TTC7B: variants seen among roughly 807,000 people sequenced by gnomAD.
The protein encoded by TTC7B is tetratricopeptide repeat protein 7B.
TTC7B carries 28 observed loss-of-function variants against 106.8 expected under a neutral mutation model. That is an observed-to-expected ratio of 0.26 (90% CI 0.19 to 0.36). TTC7B has a LOEUF of 0.36. Ranked by LOEUF, TTC7B falls within the 10% of genes least tolerant of loss-of-function variation. The probability of loss-of-function intolerance (pLI) is 1.00; values close to 1 mark genes in which losing one functional copy is unlikely to be tolerated. For synonymous variants in TTC7B, 405 were observed against 430.6 expected, an observed-to-expected ratio of 0.94 and a Z score of 0.74; for missense variants, 862 against 1,076.4, an observed-to-expected ratio of 0.80 and a Z score of 2.79.
chr14:90,631,113 C>A (rs557804827), intron 15 of TTC7B, among the ~76,000 whole-genome samples: 2 of 152,162 alleles, frequency 1.3e-5, no homozygotes, highest in Non-Finnish European at 2.9e-5. Flanking sequence ...GGATTACAGG[C>A]GTGAGCCACT....
chr14:90,781,519 C>G (rs186143654), intron 2 of TTC7B, among the ~76,000 whole-genome samples: 42 of 152,302 alleles, frequency 2.8e-4, no homozygotes, highest in Non-Finnish European at 4.1e-4. Flanking sequence ...AGGCCTGTGG[C>G]TGGGCTGGGC....
rs1886849557 is a variant in TTC7B at position 90,676,605 on chromosome 14, A to G, written c.1070T>C (p.Ile357Thr). ...RIPEHKSDRL[I>T]SLQSASVVYD... ...GACCACAGATGCACTCTGCAGACTG[A>G]TGAGGCGGTCACTCTTGTGTTCAGG... is the stretch of plus-strand genomic sequence containing the variant. The change falls in exon 9 of 20, where the codon ATC (isoleucine) becomes ACC (threonine). Residue 357 changes from isoleucine (I) to threonine (T), a missense_variant. Coordinates refer to ENST00000328459, the MANE Select transcript of TTC7B (RefSeq NM_001010854.2). 2.5e-6 allele frequency: 4 copies of G among 1,614,148 alleles called. No homozygotes were observed. In the East Asian group the frequency reaches 8.9e-5, roughly 36 times the overall value.
rs541544172 is a variant in TTC7B, at chr14:90,714,720, G to C, written c.698+15355C>G. Among the ~76,000 whole-genome samples, 3 of 152,208 alleles carry C rather than the reference G, an allele frequency of 2.0e-5. No homozygotes were observed. In the South Asian group the frequency reaches 6.2e-4, roughly 32 times the overall value. The stretch of plus-strand genomic sequence containing the variant: ...GATCCACCCACCTCGGCCTCCCAAA[G>C]TGCTGAGATTATAGGCGTGAGCCAC... On this transcript the variant is annotated intron_variant, in intron 5 of 19. Transcript: ENST00000328459.
chr14:90,606,511 G>A (rs913992938), intron 17 of TTC7B, among the ~76,000 whole-genome samples: 4 of 152,118 alleles, frequency 2.6e-5, no homozygotes, highest in Non-Finnish European at 5.9e-5. Flanking sequence ...TAAAGGCAAA[G>A]GAATAAAATA....
rs1363667644 is a variant in TTC7B, at chr14:90,652,726, A to G, written c.1517+115T>C. ...GTGTGTTCGGTGCTCAGGACGAAAGACTCTCAGGGGTAAAACACTGTTTAC... is the reference window on the plus strand; with the variant it reads ...GTGTGTTCGGTGCTCAGGACGAAAGGCTCTCAGGGGTAAAACACTGTTTAC... On this transcript the variant is annotated intron_variant, in intron 13 of 19. Transcript: ENST00000328459. 2.5e-6 allele frequency: 3 copies of G among 1,201,062 alleles called. No homozygotes were observed. The Admixed American group carries it at 5.6e-5, about 22-fold the overall frequency. 74.4% of individuals were successfully genotyped at this position (1,201,062 alleles called of 1,614,324 possible).
intron 3 of TTC7B, among the ~76,000 whole-genome samples, chr14:90,760,733 C>G (rs1416297238): frequency 1.3e-5 from 2 of 152,192 alleles, no homozygotes; most frequent in Non-Finnish European, 2.9e-5. Flanking sequence ...CTTGCAGGGC[C>G]CAGCCTCTAG....
intron 9 of TTC7B, among the ~76,000 whole-genome samples, chr14:90,669,026 AG>A (rs1886528644): frequency 6.6e-6 from 1 of 152,090 alleles, no homozygotes. Flanking sequence ...TACAGACCAA[AG>A]GAACAGAATT....
At chr14:90,594,763 C>A (rs566128449) in intron 17 of TTC7B, among the ~76,000 whole-genome samples, 4 of 152,240 alleles carry the variant, frequency 2.6e-5, no homozygotes, top group African/African-American at 9.6e-5. Flanking sequence ...AAATTGTGAG[C>A]ATAAAAATAA....
intron 17 of TTC7B, among the ~76,000 whole-genome samples, chr14:90,607,314 A>ACTGTGG (rs1376214397): frequency 2.6e-5 from 4 of 152,216 alleles, no homozygotes; most frequent in East Asian, 1.9e-4. Flanking sequence ...GTGGAAGTTC[A>ACTGTGG]CTGTGGCTGT....
chr14:90,804,404 T>C (rs114911899), intron 1 of TTC7B, among the ~76,000 whole-genome samples: 2,312 of 151,746 alleles, frequency 0.015, 18 homozygotes, highest in African/African-American at 0.025. Flanking sequence ...GGTGGACAAG[T>C]GGCACTGAGT....
At chr14:90,810,516 G>T (rs2030841689) in intron 1 of TTC7B, among the ~76,000 whole-genome samples, 1 of 152,190 alleles carries the variant, frequency 6.6e-6, no homozygotes, top group South Asian at 2.1e-4. Flanking sequence ...GCACTGTTTT[G>T]TCATCTATAA....
intron 19 of TTC7B, among the ~76,000 whole-genome samples, chr14:90,576,781 G>A (rs1891275702): frequency 2.0e-5 from 3 of 152,210 alleles, no homozygotes; most frequent in Non-Finnish European, 4.4e-5. Flanking sequence ...CCAGCAGTTA[G>A]TGCCCAGCCC....
Position 90,621,059 on chromosome 14 carries a change from G to C in TTC7B, c.1752-3014C>G, listed in dbSNP as rs527325847. ...GGACAAAGAGGAAAGCCTGACAGCT[G>C]CTGCCTAGGTACGGCTGGGATGATG... is the stretch of plus-strand genomic sequence containing the variant. On this transcript the variant is annotated intron_variant, in intron 15 of 19. Transcript: ENST00000328459. Among the ~76,000 whole-genome samples, 4 of 152,362 alleles carry C rather than the reference G, an allele frequency of 2.6e-5. No individual in the cohort carries two copies. In the East Asian group the frequency reaches 5.8e-4, roughly 22 times the overall value.
chr14:90,591,119 C>T (rs1891940722), intron 18 of TTC7B, among the ~76,000 whole-genome samples: 1 of 152,198 alleles, frequency 6.6e-6, no homozygotes, highest in African/African-American at 2.4e-5. Flanking sequence ...GCAGGCAGAT[C>T]ACCTGAGGTC....
intron 16 of TTC7B, among the ~76,000 whole-genome samples, chr14:90,614,448 G>A (rs1892988553): frequency 6.6e-6 from 1 of 152,228 alleles, no homozygotes; most frequent in Non-Finnish European, 1.5e-5. Context: ...AACTGAAACA[G>A]GACTTTGAAT....
intron 8 of TTC7B, among the ~76,000 whole-genome samples, chr14:90,680,066 C>T (rs1230494786): frequency 1.3e-5 from 2 of 152,200 alleles, no homozygotes; most frequent in African/African-American, 2.4e-5. Flanking sequence ...CCAAAATTCT[C>T]GCCCACTCCA....
At chr14:90,607,720 A>G (rs952065809) in intron 17 of TTC7B, among the ~76,000 whole-genome samples, 1 of 152,198 alleles carries the variant, frequency 6.6e-6, no homozygotes, top group Non-Finnish European at 1.5e-5. Flanking sequence ...TGTGTCATGG[A>G]ATACTATATG....
chr14:90,669,418 G>C (rs1451523806), intron 9 of TTC7B, among the ~76,000 whole-genome samples: 1 of 152,110 alleles, frequency 6.6e-6, no homozygotes, highest in Non-Finnish European at 1.5e-5. Flanking sequence ...AGAAAGTGAA[G>C]CTGGGCATGG....
At chr14:90,585,582 C>G (rs1303054135) in intron 18 of TTC7B, 1 of 152,406 alleles carries the variant, frequency 6.6e-6, no homozygotes, top group African/African-American at 2.4e-5. Flanking sequence ...ACACATCCCC[C>G]CTCTCTTTTG....
Sources: gnomAD v4.1 joint callset for allele counts (sites outside exome capture counted in the v4.1 genomes callset) on GRCh38, gnomAD v4.1.1 for gene constraint, MANE v1.5 for transcripts, NCBI Gene and HGNC (gene_info 2026-07-23, HGNC 2026-07-21) for gene names.